The following COL28A1 variants were observed in gnomAD, a reference collection of about 807,000 sequenced individuals.
COL28A1 encodes collagen alpha-1(XXVIII) chain.
Under a neutral mutation model 150.2 loss-of-function variants are expected in COL28A1, and 161 were observed. That is an observed-to-expected ratio of 1.07 (90% CI 0.94 to 1.22). COL28A1 has a LOEUF of 1.22. Ranked by LOEUF, COL28A1 falls within the 50% of genes most tolerant of loss-of-function variation. The pLI is 0.00. For missense variants in COL28A1, 1,617 were observed against 1,388.3 expected (o/e 1.16, Z -2.62); for synonymous variants, 552 against 469.7 (o/e 1.18, Z -2.26).
intron 15 of COL28A1, among the ~76,000 whole-genome samples, chr7:7,465,658 A>C (rs1458829019): frequency 1.9e-5 from 2 of 107,596 alleles, no homozygotes; most frequent in Non-Finnish European, 3.8e-5. Context: ...GGCAGGGCAC[A>C]GACAAACAAA....
intron 27 of COL28A1, among the ~76,000 whole-genome samples, chr7:7,393,361 T>C (rs999403161): frequency 1.3e-5 from 2 of 152,178 alleles, no homozygotes; most frequent in African/African-American, 4.8e-5. Flanking sequence ...ACCCACCAGA[T>C]GCCAGACAGA....
intron 11 of COL28A1, among the ~76,000 whole-genome samples, chr7:7,503,476 T>A (rs1198258574): frequency 3.3e-5 from 5 of 152,210 alleles, no homozygotes; most frequent in Non-Finnish European, 4.4e-5. Context: ...GAGGGTTTCT[T>A]TGCACAAATT....
intron 23 of COL28A1, 72 bp from the exon 24 acceptor site, chr7:7,432,772 A>G (rs1785068333): frequency 1.9e-5 from 22 of 1,161,696 alleles, no homozygotes; most frequent in Non-Finnish European, 2.6e-5. Flanking sequence ...TAAGCATAAC[A>G]CCAACTCAAT....
intron 27 of COL28A1, among the ~76,000 whole-genome samples, chr7:7,392,548 G>A (rs974032155): frequency 6.6e-6 from 1 of 152,104 alleles, no homozygotes; most frequent in Admixed American, 6.5e-5. Flanking sequence ...AAGTTCTCCT[G>A]GATAATATCC....
chr7:7,367,265 CA>C (rs1456091478), intron 33 of COL28A1, among the ~76,000 whole-genome samples: 1 of 152,118 alleles, frequency 6.6e-6, no homozygotes, highest in Non-Finnish European at 1.5e-5. Context: ...GATGTTCACA[CA>C]AAAACAAAAT....
intron 25 of COL28A1, among the ~76,000 whole-genome samples, chr7:7,423,929 T>C (rs1405555280): frequency 6.6e-6 from 1 of 152,150 alleles, no homozygotes; most frequent in Non-Finnish European, 1.5e-5. Flanking sequence ...GTTCTCTCTG[T>C]CCCGCAGCCT....
the COL28A1 span, among the ~76,000 whole-genome samples, chr7:7,340,000 G>A: frequency 6.6e-6 from 1 of 152,076 alleles, no homozygotes; most frequent in African/African-American, 2.4e-5. Flanking sequence ...TTTTGTTTTT[G>A]TTTTCATTGA....
At chr7:7,353,138 T>G (rs1780268716), downstream of COL28A1, among the ~76,000 whole-genome samples, 1 of 152,188 alleles carries the variant, frequency 6.6e-6, no homozygotes, top group African/African-American at 2.4e-5. Context: ...TTTCCTGGCC[T>G]CCCACAAACA....
rs559326886 is a variant in COL28A1 at position 7,447,701 on chromosome 7, T to TA, written c.1510-3213dup. Among the ~76,000 whole-genome samples the TA allele has an allele frequency of 3.7e-3, 564 of 152,160 alleles. 3 individuals are homozygous for TA. Among genetic ancestry groups the TA allele is most frequent in the Non-Finnish European group, 6.2e-3 (420 of 67,990 alleles). On this transcript the variant is annotated intron_variant, in intron 18 of 34. Transcript: ENST00000399429. ...GATTTGAAAATTATGATGTATGAGATAAAAAACACTGGACAGAATTAAAAG... is the reference window on the plus strand; with the variant it reads ...GATTTGAAAATTATGATGTATGAGATAAAAAAACACTGGACAGAATTAAAAG...
intron 21 of COL28A1, 30 bp downstream of exon 21, chr7:7,440,760 A>C (rs759469625): frequency 4.1e-6 from 4 of 974,734 alleles, no homozygotes; most frequent in Non-Finnish European, 6.5e-6. Flanking sequence ...CAAACTCCTC[A>C]AAGCGTAAGT....
At chr7:7,488,170 A>G (rs1219042085) in intron 13 of COL28A1, among the ~76,000 whole-genome samples, 1 of 152,212 alleles carries the variant, frequency 6.6e-6, no homozygotes, top group East Asian at 1.9e-4. Context: ...CAAAACCAAA[A>G]TAGAGACCAA....
chr7:7,368,531 C>T (rs186352948), intron 33 of COL28A1, among the ~76,000 whole-genome samples: 8 of 152,286 alleles, frequency 5.3e-5, no homozygotes, highest in Admixed American at 2.6e-4. Flanking sequence ...CTCCAAAAAT[C>T]ATACATTGAA....
intron 4 of COL28A1, among the ~76,000 whole-genome samples, chr7:7,522,279 T>A (rs1330665432): frequency 1.3e-5 from 2 of 152,170 alleles, no homozygotes; most frequent in Non-Finnish European, 2.9e-5. Context: ...AATATATAGA[T>A]GCCAGTTAAA....
At chr7:7,436,663 T>C (rs918534635) in intron 22 of COL28A1, among the ~76,000 whole-genome samples, 200 bp from the exon 23 acceptor site, 2 of 152,224 alleles carry the variant, frequency 1.3e-5, no homozygotes. Flanking sequence ...CTATTACTGC[T>C]GTTGGGAGAA....
chr7:7,517,836 C>T lies in COL28A1; in HGVS notation c.815G>A (p.Gly272Asp), dbSNP rs767755679. The change falls in exon 7 of 35, where the codon GGC becomes GAC. Residue 272 changes from glycine (G) to aspartate (D), a missense_variant and splice_region_variant. Transcript: ENST00000399429. Reference sequence around the variant, plus strand: ...TCCAGCTTCTCCTTTTTGAGCGTTGCCCTGTGACAAACAAAAAACAGTAAA... The same window carrying T: ...TCCAGCTTCTCCTTTTTGAGCGTTGTCCTGTGACAAACAAAAAACAGTAAA... ...KGERGPKGNP[G>D]NAQKGEAGER... The T allele has an allele frequency of 1.9e-6, 3 of 1,613,594 alleles. No individual in the cohort carries two copies. Among genetic ancestry groups the T allele is most frequent in the South Asian group, 1.1e-5 (1 of 91,064 alleles).
chr7:7,396,065 G>A (rs1400308460), intron 27 of COL28A1, among the ~76,000 whole-genome samples: 3 of 152,174 alleles, frequency 2.0e-5, no homozygotes, highest in Non-Finnish European at 2.9e-5. Context: ...TCTGCTTTGT[G>A]AGTACAGCTA....
chr7:7,348,607 C>T, the COL28A1 span, among the ~76,000 whole-genome samples: 1 of 151,512 alleles, frequency 6.6e-6, no homozygotes, highest in Non-Finnish European at 1.5e-5. Flanking sequence ...ATGTATATAT[C>T]TATTTATTTT....
chr7:7,441,286 A>G (rs1785765786), intron 20 of COL28A1, among the ~76,000 whole-genome samples: 2 of 152,130 alleles, frequency 1.3e-5, no homozygotes, highest in Non-Finnish European at 2.9e-5. Flanking sequence ...TCACAGCCCT[A>G]TTTCGTCCTC....
At chr7:7,354,283 C>T (rs898667105), downstream of COL28A1, among the ~76,000 whole-genome samples, 2 of 151,900 alleles carry the variant, frequency 1.3e-5, no homozygotes, top group Admixed American at 6.6e-5. Flanking sequence ...CATGAGCCAC[C>T]GCACCTGGCC....
Sources: gnomAD v4.1 joint callset for allele counts (sites outside exome capture counted in the v4.1 genomes callset) on GRCh38, gnomAD v4.1.1 for gene constraint, MANE v1.5 for transcripts, NCBI Gene and HGNC (gene_info 2026-07-23, HGNC 2026-07-21) for gene names.